The following LRP1B variants were observed in gnomAD, a reference collection of about 807,000 sequenced individuals.
The protein encoded by LRP1B is low-density lipoprotein receptor-related protein 1B.
A neutral mutation model predicts 556.6 loss-of-function variants in LRP1B; 217 were observed. That is an observed-to-expected ratio of 0.39 (90% CI 0.35 to 0.44). LRP1B has a LOEUF of 0.44. LRP1B is among the 20% of genes least tolerant of loss of function. The pLI, the probability that LRP1B is intolerant of heterozygous loss-of-function variation, is 1.00. For missense variants in LRP1B, 5,053 were observed against 5,620.8 expected, an observed-to-expected ratio of 0.90 and a Z score of 3.23; for synonymous variants, 2,047 against 1,865.8, an observed-to-expected ratio of 1.10 and a Z score of -2.50.
intron 3 of LRP1B, among the ~76,000 whole-genome samples, chr2:141,322,453 G>T (rs1687275824): frequency 6.6e-6 from 1 of 151,954 alleles, no homozygotes; most frequent in African/African-American, 2.4e-5. Flanking sequence ...AGTCCTGGTG[G>T]GATATTCGAA....
intron 3 of LRP1B, among the ~76,000 whole-genome samples, chr2:141,308,144 T>C (rs934754607): frequency 1.3e-5 from 2 of 152,190 alleles, no homozygotes; most frequent in African/African-American, 2.4e-5. Context: ...GGAATCAGTA[T>C]ATAACCCCAC....
At chr2:141,332,412 T>C (rs1277584345) in intron 3 of LRP1B, among the ~76,000 whole-genome samples, 1 of 150,962 alleles carries the variant, frequency 6.6e-6, no homozygotes, top group Non-Finnish European at 1.5e-5. Flanking sequence ...CACCAGTATG[T>C]CTCACTGACA....
intron 3 of LRP1B, among the ~76,000 whole-genome samples, chr2:141,351,204 C>T (rs1483007217): frequency 6.6e-6 from 1 of 151,976 alleles, no homozygotes; most frequent in Non-Finnish European, 1.5e-5. Context: ...CAAGAATCAA[C>T]ATTTTTCCAT....
chr2:140,732,985 TTC>T (rs878966512), intron 35 of LRP1B, among the ~76,000 whole-genome samples: 34 of 152,242 alleles, frequency 2.2e-4, no homozygotes, highest in African/African-American at 7.5e-4. Context: ...GATATAACAA[TTC>T]TCTCTGTGTG....
At chr2:141,357,348 T>G (rs1688665587) in intron 3 of LRP1B, among the ~76,000 whole-genome samples, 1 of 152,184 alleles carries the variant, frequency 6.6e-6, no homozygotes, top group Non-Finnish European at 1.5e-5. Flanking sequence ...TTTTCCATCA[T>G]AATAAAAAGA....
At chr2:141,455,226 T>C (rs1054534460) in intron 3 of LRP1B, among the ~76,000 whole-genome samples, 2 of 151,486 alleles carry the variant, frequency 1.3e-5, no homozygotes, top group African/African-American at 4.9e-5. Flanking sequence ...TGTCTACCTA[T>C]CTGAATAACC....
chr2:140,895,551 G>A (rs373100226), intron 23 of LRP1B, among the ~76,000 whole-genome samples: 2 of 152,162 alleles, frequency 1.3e-5, no homozygotes, highest in East Asian at 3.9e-4. Context: ...GCCTCAGAAG[G>A]CATGTTACCG....
chr2:142,071,903 A>C (rs1705328433), intron 1 of LRP1B, among the ~76,000 whole-genome samples: 1 of 151,950 alleles, frequency 6.6e-6, no homozygotes, highest in Non-Finnish European at 1.5e-5. Flanking sequence ...CCCAAAATGG[A>C]GATTACTAAC....
chr2:140,929,752 A>T (rs1694992275), intron 20 of LRP1B, among the ~76,000 whole-genome samples: 1 of 124,474 alleles, frequency 8.0e-6, no homozygotes, highest in Admixed American at 9.7e-5. Flanking sequence ...ACAGTCATAT[A>T]GACTCACACA....
At chr2:140,971,729 G>C (rs1041606926) in intron 18 of LRP1B, among the ~76,000 whole-genome samples, 15 of 152,298 alleles carry the variant, frequency 9.8e-5, no homozygotes, top group Non-Finnish European at 2.1e-4. Flanking sequence ...AGCTACTCAG[G>C]AGGCTGAGGC....
intron 49 of LRP1B, among the ~76,000 whole-genome samples, chr2:140,520,204 C>A (rs896538925): frequency 1.3e-5 from 2 of 152,116 alleles, no homozygotes; most frequent in Non-Finnish European, 2.9e-5. Flanking sequence ...TTGTAACCAA[C>A]CCAAATGTCC....
intron 43 of LRP1B, among the ~76,000 whole-genome samples, chr2:140,559,357 T>A (rs1035918582): frequency 6.6e-6 from 1 of 152,152 alleles, no homozygotes; most frequent in Non-Finnish European, 1.5e-5. Flanking sequence ...AACAGGCTCA[T>A]ATATGTAGAA....
chr2:141,040,339 G>A (rs989772096), intron 11 of LRP1B, among the ~76,000 whole-genome samples: 1 of 152,028 alleles, frequency 6.6e-6, no homozygotes, highest in African/African-American at 2.4e-5. Flanking sequence ...ACACTCTAAT[G>A]TAATTCATTA....
intron 1 of LRP1B, among the ~76,000 whole-genome samples, chr2:142,086,636 C>CAAAAA (rs1320332486): frequency 3.1e-4 from 15 of 48,174 alleles, no homozygotes; most frequent in African/African-American, 7.8e-4. Context: ...AACAAACAAA[C>CAAAAA]AAACAAAAAA....
At chr2:141,298,866 A>T (rs760676471) in intron 3 of LRP1B, among the ~76,000 whole-genome samples, 1 of 151,460 alleles carries the variant, frequency 6.6e-6, no homozygotes, top group Non-Finnish European at 1.5e-5. Context: ...AAGCAGGAGA[A>T]TCTCTTGAAC....
intron 1 of LRP1B, among the ~76,000 whole-genome samples, chr2:141,942,733 A>G (rs1700848312): frequency 6.6e-6 from 1 of 152,200 alleles, no homozygotes; most frequent in Non-Finnish European, 1.5e-5. Flanking sequence ...TACTGTATTT[A>G]CTAAGCAACA....
rs2105086799 is a variant in LRP1B at position 140,335,752 on chromosome 2, C to T, written c.11979G>A (p.Trp3993Ter). 1.2e-6 allele frequency: 2 copies of T among 1,612,834 alleles called. No homozygotes were observed. The highest frequency in any genetic ancestry group is 1.7e-6 in the Non-Finnish European group (2 of 1,179,250). The change falls in exon 78 of 91, where the codon TGG becomes TGA. Residue 3993 changes from tryptophan to a stop codon, truncating the protein, a stop_gained. Coordinates refer to ENST00000389484, the MANE Select transcript of LRP1B (RefSeq NM_018557.3). LOFTEE classifies it high-confidence loss of function. ...IYWTDHSRMH[W>*]FSYYTTHWTS... ...TCCAGTGAGTAGTGTAGTAACTGAACCAATGCATTCTAGAATGATCAGTCC... is the reference window on the plus strand; with the variant it reads ...TCCAGTGAGTAGTGTAGTAACTGAATCAATGCATTCTAGAATGATCAGTCC...
At chr2:140,924,672 G>T (rs116723888) in intron 20 of LRP1B, among the ~76,000 whole-genome samples, 326 of 152,160 alleles carry the variant, frequency 2.1e-3, no homozygotes, top group African/African-American at 7.4e-3. Context: ...CAATAATAAA[G>T]CATTGAGTTT....
chr2:140,244,512 G>A (rs775171654), intron 87 of LRP1B, among the ~76,000 whole-genome samples: 2 of 151,194 alleles, frequency 1.3e-5, no homozygotes, highest in Non-Finnish European at 3.0e-5. Flanking sequence ...TAAAATAGAA[G>A]TATGCAATGA....
Sources: allele counts gnomAD v4.1 joint callset (sites outside exome capture counted in the v4.1 genomes callset), GRCh38; gene constraint gnomAD v4.1.1; transcripts MANE v1.5; gene names NCBI Gene and HGNC (gene_info 2026-07-23, HGNC 2026-07-21).